AMBRA1: variants seen among roughly 807,000 people sequenced by gnomAD.
The protein encoded by AMBRA1 is activating molecule in BECN1-regulated autophagy protein 1.
AMBRA1 carries 47 observed loss-of-function variants against 125.4 expected under a neutral mutation model. The ratio of observed to expected loss-of-function variants is 0.37; its 90% CI spans 0.30 to 0.48. AMBRA1 has a LOEUF of 0.48. Ranked by LOEUF, AMBRA1 falls within the 20% of genes least tolerant of loss-of-function variation. The pLI, the probability that AMBRA1 is intolerant of heterozygous loss-of-function variation, is 0.99. For synonymous variants in AMBRA1, 626 were observed against 655.5 expected (o/e 0.95, Z 0.69); for missense variants, 1,331 against 1,693.4 (o/e 0.79, Z 3.76).
intron 12 of AMBRA1, 28 bp downstream of exon 12, chr11:46,443,460 C>T (rs778715414): frequency 6.3e-7 from 1 of 1,577,998 alleles, no homozygotes; most frequent in South Asian, 1.1e-5. Flanking sequence ...AACCCTTCCA[C>T]TGATACCCCC....
intron 7 of AMBRA1, among the ~76,000 whole-genome samples, chr11:46,538,446 CAGAAA>C (rs1434588517): frequency 6.6e-6 from 1 of 151,670 alleles, no homozygotes; most frequent in African/African-American, 2.4e-5. Flanking sequence ...TTTTTGGCAC[CAGAAA>C]AGAAAAAAAT....
At chr11:46,544,083 A>T (rs749445607) in intron 5 of AMBRA1, 42 bp from the exon 6 acceptor site, 1 of 1,516,224 alleles carries the variant, frequency 6.6e-7, no homozygotes, top group Non-Finnish European at 9.1e-7. Context: ...ACATAGAGAG[A>T]TTATGTTAAC....
intron 7 of AMBRA1, among the ~76,000 whole-genome samples, chr11:46,538,629 G>A (rs1204114189): frequency 6.6e-6 from 1 of 152,076 alleles, no homozygotes; most frequent in African/African-American, 2.4e-5. Flanking sequence ...CACGTAGCTA[G>A]GACTACAGGC....
chr11:46,543,438 G>C (rs1463528314), intron 6 of AMBRA1, 40 bp from the exon 7 acceptor site: 1 of 1,591,614 alleles, frequency 6.3e-7, no homozygotes, highest in Non-Finnish European at 8.5e-7. Flanking sequence ...GTAGAGCAAG[G>C]CAGTTAGGTA....
chr11:46,585,665 C>CAAAAAA lies in AMBRA1; in HGVS notation c.-121+8157_-121+8162dup, dbSNP rs1157368065. ...TGGGTGACAGAGCAAGACTCCATCTCAAAAAAAAAAAAAAAAAAAAAAAAA... is the reference window on the plus strand; with the variant it reads ...TGGGTGACAGAGCAAGACTCCATCTCAAAAAAAAAAAAAAAAAAAAAAAAAAAAAAA... On this transcript the variant is annotated intron_variant, in intron 1 of 17. Transcript: ENST00000683756. 2.6e-4 allele frequency among the ~76,000 whole-genome samples: 2 copies of CAAAAAA among 7,600 alleles called. 1 individual carries two copies. The highest frequency in any genetic ancestry group is 4.2e-4 in the Non-Finnish European group (2 of 4,770). The allele number at this position is 7,600 out of a possible 152,430, so 5.0% of individuals were successfully genotyped here. A position where few individuals can be genotyped will look rare whatever the true frequency, so the allele number is the denominator to read the frequency against.
intron 9 of AMBRA1, among the ~76,000 whole-genome samples, chr11:46,498,901 C>T (rs1016442075): frequency 6.6e-6 from 1 of 152,212 alleles, no homozygotes; most frequent in Non-Finnish European, 1.5e-5. Flanking sequence ...GAAGGCCTAG[C>T]TGGTATTCCT....
At chr11:46,457,421 A>G (rs1590857025) in intron 11 of AMBRA1, among the ~76,000 whole-genome samples, 1 of 152,220 alleles carries the variant, frequency 6.6e-6, no homozygotes, top group South Asian at 2.1e-4. Flanking sequence ...GAAGGGGGGA[A>G]AAATTTAACG....
chr11:46,459,098 G>T (rs1948980062), intron 11 of AMBRA1, among the ~76,000 whole-genome samples: 2 of 152,214 alleles, frequency 1.3e-5, no homozygotes, highest in South Asian at 4.1e-4. Flanking sequence ...ACTACACCAT[G>T]GAACACCACG....
chr11:46,470,120 T>A (rs1456431495), intron 11 of AMBRA1, among the ~76,000 whole-genome samples: 1 of 152,140 alleles, frequency 6.6e-6, no homozygotes, highest in South Asian at 2.1e-4. Context: ...AAAGAAAACA[T>A]GCCAAGTGCC....
chr11:46,403,595 C>A (rs1436610857), intron 17 of AMBRA1, among the ~76,000 whole-genome samples: 1 of 152,206 alleles, frequency 6.6e-6, no homozygotes, highest in Admixed American at 6.5e-5. Flanking sequence ...ATGCTTCCCT[C>A]CCTTTTCGAG....
At chr11:46,537,336 C>T (rs1361727586) in intron 7 of AMBRA1, among the ~76,000 whole-genome samples, 18 of 152,174 alleles carry the variant, frequency 1.2e-4, no homozygotes, top group Admixed American at 1.2e-3. Context: ...CTCTTCAGGG[C>T]CCAGGAGTTC....
At chr11:46,576,629 C>G (rs2043970050) in intron 1 of AMBRA1, among the ~76,000 whole-genome samples, 1 of 152,200 alleles carries the variant, frequency 6.6e-6, no homozygotes, top group African/African-American at 2.4e-5. Context: ...TTCTTTCTAA[C>G]ATGTAATCTA....
chr11:46,538,710 C>T (rs963531857), intron 7 of AMBRA1, among the ~76,000 whole-genome samples: 1 of 152,104 alleles, frequency 6.6e-6, no homozygotes, highest in Non-Finnish European at 1.5e-5. Context: ...GTTAGCCAGG[C>T]TGGTCTCGAA....
At chr11:46,423,418 G>C (rs1946944604) in intron 14 of AMBRA1, among the ~76,000 whole-genome samples, 2 of 151,776 alleles carry the variant, frequency 1.3e-5, no homozygotes, top group South Asian at 4.2e-4. Context: ...TTGACATGGA[G>C]TCTCGCTCTG....
intron 13 of AMBRA1, among the ~76,000 whole-genome samples, chr11:46,434,115 C>CAAAAAAAAAAAAA (rs145761376): frequency 1.9e-5 from 1 of 53,556 alleles, no homozygotes; most frequent in African/African-American, 6.6e-5. Flanking sequence ...AACTCCGTCT[C>CAAAAAAAAAAAAA]AAAAAAAAAA....
At chr11:46,535,384 A>G (rs1952422346) in intron 7 of AMBRA1, among the ~76,000 whole-genome samples, 1 of 152,212 alleles carries the variant, frequency 6.6e-6, no homozygotes, top group South Asian at 2.1e-4. Context: ...ACCTACAAGC[A>G]TCTCAAAACT....
intron 1 of AMBRA1, chr11:46,548,972 G>A (rs117659675): frequency 0.025 from 3,750 of 151,832 alleles, 72 homozygotes; most frequent in Admixed American, 0.069. Flanking sequence ...GTGCCTGGGC[G>A]ACAGAGCAAG....
intron 11 of AMBRA1, among the ~76,000 whole-genome samples, chr11:46,477,135 G>A (rs575786636): frequency 3.3e-5 from 5 of 151,116 alleles, no homozygotes; most frequent in African/African-American, 1.2e-4. Flanking sequence ...TAAATACTGA[G>A]ACCCACAACA....
At chr11:46,584,851 C>G (rs1274583339) in intron 1 of AMBRA1, among the ~76,000 whole-genome samples, 1 of 152,134 alleles carries the variant, frequency 6.6e-6, no homozygotes, top group Non-Finnish European at 1.5e-5. Flanking sequence ...ATGGGTGGAT[C>G]ACCTGAGGTC....
Sources: allele counts gnomAD v4.1 joint callset (sites outside exome capture counted in the v4.1 genomes callset), GRCh38; gene constraint gnomAD v4.1.1; transcripts MANE v1.5; gene names NCBI Gene and HGNC (gene_info 2026-07-23, HGNC 2026-07-21).